The following PCDHGB4 variants were observed in gnomAD, a reference collection of about 807,000 sequenced individuals.
PCDHGB4 encodes protocadherin gamma-B4.
In PCDHGB4, 38 loss-of-function variants were observed where a neutral mutation model predicts 60.5. That is an observed-to-expected ratio of 0.63 (90% CI 0.48 to 0.82). The LOEUF (loss-of-function observed/expected upper bound fraction) is 0.82, where lower values mean the gene tolerates loss of function less well. Ranked by LOEUF, PCDHGB4 falls within the 40% of genes least tolerant of loss-of-function variation. The pLI, the probability that PCDHGB4 is intolerant of heterozygous loss-of-function variation, is 0.00. For missense variants in PCDHGB4, 1,109 were observed against 1,209.6 expected (o/e 0.92, Z 1.23); for synonymous variants, 456 against 509.7 (o/e 0.89, Z 1.42).
At chr5:141,505,344 AGCT>A in intron 2 of PCDHGB4, 46 bp from the exon 3 acceptor site, 1 of 1,613,046 alleles carries the variant, frequency 6.2e-7, no homozygotes, top group South Asian at 1.1e-5. Flanking sequence ...GAGGGGCATG[AGCT>A]GTGCCGGCCT....
At position 141,478,875 on chromosome 5, in the gene PCDHGB4, G is replaced by A. The variant is rs913320768; in HGVS notation, c.2398-15932G>A. On this transcript the variant is annotated intron_variant, in intron 1 of 3. Coordinates refer to ENST00000519479, the MANE Select transcript of PCDHGB4 (RefSeq NM_003736.4). ...ACAAGATCTCAGCGATCAGAGTTTA[G>A]CTTGGTATCATTTACATTAGGAATA... The A allele has an allele frequency of 2.4e-6, 3 of 1,273,470 alleles. No homozygotes were observed. The South Asian group carries it at 4.8e-5, about 21-fold the overall frequency. 78.9% of individuals were successfully genotyped at this position (1,273,470 alleles called of 1,614,324 possible).
Position 141,486,595 on chromosome 5 carries a change from T to G in PCDHGB4, c.2398-8212T>G. ...AGAACAATCGCCCAGGGGACCTGCTTTGCTCCCTTGCAGCCTCTGACCCAG... is the reference window on the plus strand; with the variant it reads ...AGAACAATCGCCCAGGGGACCTGCTGTGCTCCCTTGCAGCCTCTGACCCAG... On this transcript the variant is annotated intron_variant, in intron 1 of 3. Coordinates refer to ENST00000519479, the MANE Select transcript of PCDHGB4 (RefSeq NM_003736.4). This position sits in a 1 kb window ranked among gnomAD's most constrained non-coding sequence, Gnocchi z 5.0. The G allele has an allele frequency of 6.2e-7, 1 of 1,613,614 alleles. No homozygotes were observed. Among genetic ancestry groups the G allele is most frequent in the Non-Finnish European group, 8.5e-7 (1 of 1,180,016 alleles).
chr5:141,424,956 T>C (rs1435882776), intron 1 of PCDHGB4, among the ~76,000 whole-genome samples: 3 of 152,176 alleles, frequency 2.0e-5, no homozygotes, highest in African/African-American at 7.2e-5. Context: ...TTCTAGGTAT[T>C]TGCCCCAAAT....
In PCDHGB4 at chr5:141,501,310, C is replaced by T. The variant is rs958976594; in HGVS notation, c.2457-4083C>T. ...CCTTATACACACACACACACACACA[C>T]ACACACACACACACACACACACACC... On this transcript the variant is annotated intron_variant, in intron 2 of 3. Transcript: ENST00000519479. Among the ~76,000 whole-genome samples, 4 of 151,684 alleles carry T rather than the reference C, an allele frequency of 2.6e-5. No individual in the cohort carries two copies. The South Asian group carries it at 8.3e-4, about 32-fold the overall frequency.
At chr5:141,392,867 G>C in intron 1 of PCDHGB4, 6 of 1,612,942 alleles carry the variant, frequency 3.7e-6, no homozygotes, top group Non-Finnish European at 5.1e-6. Flanking sequence ...TGCTGTGCGC[G>C]CTGCTGGGAA....
rs371333912 is a variant in PCDHGB4, at chr5:141,388,477, C to A, written c.593C>A (p.Thr198Lys). 34 of 1,613,702 alleles carry A rather than the reference C, an allele frequency of 2.1e-5. No homozygotes were observed. Among genetic ancestry groups the A allele is most frequent in the Non-Finnish European group, 2.9e-5 (34 of 1,179,898 alleles). ...AAATACCCTGAGATGGTATTGAAGA[C>A]ACCTTTGGACAGAGAAAAGCAGAAA... ...GSKYPEMVLK[T>K]PLDREKQKSY... The change falls in exon 1 of 4, where the codon ACA (threonine) becomes AAA (lysine). Residue 198 changes from threonine (T) to lysine (K), a missense_variant. This residue lies in a region of PCDHGB4 where 1,068 missense variants were observed against 1,089.9 expected (regional missense o/e 0.98). Transcript: ENST00000519479.
chr5:141,496,888 T>TA (rs35063790), intron 2 of PCDHGB4, among the ~76,000 whole-genome samples: 34,968 of 133,936 alleles, frequency 0.26, 4,377 homozygotes, highest in Admixed American at 0.34. Flanking sequence ...AAGTAACACT[T>TA]AAAAAAAAAA....
chr5:141,469,283 T>C (rs576231993), intron 1 of PCDHGB4, among the ~76,000 whole-genome samples: 1 of 149,898 alleles, frequency 6.7e-6, no homozygotes, highest in African/African-American at 2.5e-5. Flanking sequence ...TCTCAAAAAA[T>C]AAAACAAAAT....
Position 141,398,701 on chromosome 5 carries a change from C to T in PCDHGB4, c.2397+8420C>T, listed in dbSNP as rs757215015. On this transcript the variant is annotated intron_variant, in intron 1 of 3. Transcript: ENST00000519479. Reference sequence around the variant, plus strand: ...GGAGAAACAGGATGGTAGTAAATACCCGGAACTGGCACTGGAGAAAACCTT... The same window carrying T: ...GGAGAAACAGGATGGTAGTAAATACTCGGAACTGGCACTGGAGAAAACCTT... The T allele has an allele frequency of 1.2e-5, 20 of 1,613,658 alleles. No homozygotes were observed. In the Admixed American group the frequency reaches 3.3e-4, roughly 27 times the overall value.
In PCDHGB4 at chr5:141,477,681, T is replaced by G; in HGVS notation, c.2398-17126T>G. On this transcript the variant is annotated intron_variant, in intron 1 of 3. Transcript: ENST00000519479. This position sits in a 1 kb window ranked among gnomAD's most constrained non-coding sequence, Gnocchi z 4.9. ...CGTGACAATGGCATAGTGTCATCCT[T>G]AGTGCCCCTAGACTATGAGGATCGG... 1 of 1,614,180 alleles carries G rather than the reference T, an allele frequency of 6.2e-7. No individual in the cohort carries two copies. Among genetic ancestry groups the G allele is most frequent in the Non-Finnish European group, 8.5e-7 (1 of 1,180,046 alleles).
At chr5:141,420,808 G>A (rs539942896) in intron 1 of PCDHGB4, among the ~76,000 whole-genome samples, 2 of 152,288 alleles carry the variant, frequency 1.3e-5, no homozygotes, top group Admixed American at 6.5e-5. Flanking sequence ...AATTAAGCAA[G>A]CCCTTTTAAT....
chr5:141,430,882 A>G, intron 1 of PCDHGB4: 3 of 1,601,068 alleles, frequency 1.9e-6, no homozygotes, highest in Non-Finnish European at 2.6e-6. Context: ...AGCTGGAGAA[A>G]GGCTCTAGGG....
intron 1 of PCDHGB4, chr5:141,399,170 T>C (rs1159402714): frequency 6.2e-7 from 1 of 1,613,798 alleles, no homozygotes. Flanking sequence ...TTCCATTCTC[T>C]ACTTGAAATG....
chr5:141,388,571 C>A lies in PCDHGB4; in HGVS notation c.687C>A (p.His229Gln). Residue 229 changes from histidine (H) to glutamine (Q), a missense_variant, in exon 1 of 4, where the codon CAC becomes CAA. Physicochemically the swap from His to Gln is conservative, Grantham distance 24 (BLOSUM62 0). Coordinates refer to ENST00000519479, the MANE Select transcript of PCDHGB4 (RefSeq NM_003736.4). ...CCCTAAGCAGCACTGCACAGATACACGTTCTAGTGACTGATGCCAATGATA... is the reference window on the plus strand; with the variant it reads ...CCCTAAGCAGCACTGCACAGATACAAGTTCTAGTGACTGATGCCAATGATA... ...APPLSSTAQI[H>Q]VLVTDANDNA... 2 of 1,613,830 alleles carry A rather than the reference C, an allele frequency of 1.2e-6. No homozygotes were observed. The highest frequency in any genetic ancestry group is 1.7e-6 in the Non-Finnish European group (2 of 1,179,854).
chr5:141,500,182 A>ATTTT lies in PCDHGB4; in HGVS notation c.2457-5209_2457-5206dup, dbSNP rs1199992745. Among the ~76,000 whole-genome samples the ATTTT allele has an allele frequency of 1.7e-3, 223 of 131,716 alleles. 2 individuals are homozygous for ATTTT. Among genetic ancestry groups the ATTTT allele is most frequent in the African/African-American group, 6.2e-3 (201 of 32,350 alleles). The allele number at this position is 131,716 out of a possible 152,430, so 86.4% of individuals were successfully genotyped here. On this transcript the variant is annotated intron_variant, in intron 2 of 3. Transcript: ENST00000519479. ...AAGAACATGCATGAGCTTCATTTTT[A>ATTTT]TTTTTATTTATTTATTTATTTATTT...
rs1562065751 is a variant in PCDHGB4, at chr5:141,477,907, C to T, written c.2398-16900C>T. The T allele has an allele frequency of 1.9e-6, 3 of 1,614,164 alleles. No homozygotes were observed. The highest frequency in any genetic ancestry group is 2.2e-5 in the East Asian group (1 of 44,872). ...TAGTGTCACGGGTGGTAGGCTGGGA[C>T]GCGGATGCAGGGCACAATGCCTGGC... On this transcript the variant is annotated intron_variant, in intron 1 of 3. Transcript: ENST00000519479. This position sits in a 1 kb window ranked among gnomAD's most constrained non-coding sequence, Gnocchi z 4.9.
intron 1 of PCDHGB4, chr5:141,421,126 T>G: frequency 1.2e-6 from 1 of 805,588 alleles, no homozygotes; most frequent in Non-Finnish European, 1.9e-6. Context: ...CTTCGCTTTC[T>G]GATATATTTT....
intron 3 of PCDHGB4, among the ~76,000 whole-genome samples, chr5:141,505,720 G>A (rs1251781594): frequency 2.2e-4 from 34 of 152,212 alleles, no homozygotes; most frequent in Non-Finnish European, 2.9e-5. Context: ...GACTCATGGA[G>A]GGAATAGTGG....
chr5:141,472,928 G>A (rs926768431), intron 1 of PCDHGB4, among the ~76,000 whole-genome samples: 13 of 150,136 alleles, frequency 8.7e-5, no homozygotes, highest in Admixed American at 2.7e-4. Flanking sequence ...GGAGGTTGTG[G>A]TGAGCCAAGA....
Sources: allele counts gnomAD v4.1 joint callset (sites outside exome capture counted in the v4.1 genomes callset), GRCh38; gene constraint gnomAD v4.1.1; regional missense constraint gnomAD v4.1.1; non-coding constraint Gnocchi (gnomAD v3.1); transcripts MANE v1.5; gene names NCBI Gene and HGNC (gene_info 2026-07-23, HGNC 2026-07-21).